AIRIM: variants seen among roughly 807,000 people sequenced by gnomAD.
AIRIM encodes AFG2-interacting ribosome maturation factor.
chr1:37,686,504 A>C, the AIRIM span: 1 of 1,557,010 alleles, frequency 6.4e-7, no homozygotes, highest in South Asian at 1.2e-5. Flanking sequence ...GTATAAAGGA[A>C]GGTTTCTCAA....
chr1:37,691,123 A>C, the AIRIM span: 1 of 152,402 alleles, frequency 6.6e-6, no homozygotes, highest in Non-Finnish European at 1.5e-5. Flanking sequence ...CCCACTGCCC[A>C]GGGCTGACCT....
the AIRIM span, chr1:37,689,963 G>A: frequency 2.0e-6 from 3 of 1,466,158 alleles, no homozygotes; most frequent in Admixed American, 5.2e-5. Context: ...GAGGGTGGGC[G>A]TCATCTCTGT....
the AIRIM span, chr1:37,689,634 T>C: frequency 3.1e-6 from 5 of 1,611,786 alleles, no homozygotes; most frequent in South Asian, 1.1e-5. Context: ...TCCAGGACGA[T>C]GTCACCAGCC....
At chr1:37,689,460 G>T in the AIRIM span, 1 of 952,706 alleles carries the variant, frequency 1.0e-6, no homozygotes, top group Non-Finnish European at 1.5e-6. Context: ...AGGTCCCACT[G>T]CCCCAGATGA....
the AIRIM span, chr1:37,690,256 A>AT: frequency 7.7e-7 from 1 of 1,292,410 alleles, no homozygotes; most frequent in Admixed American, 2.3e-5. Flanking sequence ...AAGTGCTGGG[A>AT]TTACAGGCGT....
chr1:37,689,876 G>A, the AIRIM span: 4 of 1,550,340 alleles, frequency 2.6e-6, no homozygotes, highest in Non-Finnish European at 3.5e-6. Context: ...CCGGTCTTGA[G>A]TCATCTTCTG....
At chr1:37,686,238 C>A in the AIRIM span, 1 of 1,576,632 alleles carries the variant, frequency 6.3e-7, no homozygotes, top group Non-Finnish European at 8.6e-7. Flanking sequence ...CTTAGAACAG[C>A]TCTGGCTGTG....
the AIRIM span, chr1:37,682,351 C>T: frequency 1.1e-4 from 17 of 152,570 alleles, no homozygotes; most frequent in African/African-American, 3.9e-4. Context: ...AATGTAACCC[C>T]GATGGACTGA....
chr1:37,690,513 A>G, the AIRIM span: 15 of 1,184,612 alleles, frequency 1.3e-5, no homozygotes, highest in Non-Finnish European at 1.6e-5. Flanking sequence ...CCACGCGCCC[A>G]CAGTCTCTCT....
chr1:37,687,126 TG>T, the AIRIM span, among the ~76,000 whole-genome samples: 1 of 151,536 alleles, frequency 6.6e-6, no homozygotes, highest in South Asian at 2.1e-4. Context: ...TTTTTGTTTT[TG>T]TTTTTTGTTT....
At chr1:37,690,426 G>A in the AIRIM span, 1 of 1,265,302 alleles carries the variant, frequency 7.9e-7, no homozygotes, top group African/African-American at 1.6e-5. Flanking sequence ...GCCCGAGGCT[G>A]CCGGTCGCCT....
At chr1:37,689,640 C>T in the AIRIM span, 2 of 1,612,318 alleles carry the variant, frequency 1.2e-6, no homozygotes, top group Non-Finnish European at 1.7e-6. Flanking sequence ...ACGATGTCAC[C>T]AGCCACCAGC....
chr1:37,686,167 C>G, the AIRIM span: 5 of 1,117,186 alleles, frequency 4.5e-6, no homozygotes, highest in African/African-American at 6.4e-5. Context: ...GTTCAGGAAC[C>G]AAAGAGAACT....
the AIRIM span, among the ~76,000 whole-genome samples, chr1:37,687,461 TA>T: frequency 1.9e-4 from 28 of 146,700 alleles, no homozygotes; most frequent in Middle Eastern, 3.4e-3. Context: ...TTAAAACATT[TA>T]AAAAAAAAAA....
chr1:37,687,589 A>C, the AIRIM span, among the ~76,000 whole-genome samples: 40 of 152,162 alleles, frequency 2.6e-4, no homozygotes, highest in African/African-American at 8.9e-4. Context: ...CTCCACAAAA[A>C]ATTTTAAAAA....
the AIRIM span, among the ~76,000 whole-genome samples, chr1:37,685,147 A>T: frequency 7.5e-6 from 1 of 133,442 alleles, no homozygotes; most frequent in African/African-American, 2.9e-5. Context: ...GTTACTCCTT[A>T]ATCAAGTTTC....
the AIRIM span, among the ~76,000 whole-genome samples, chr1:37,688,462 C>G: frequency 6.6e-6 from 1 of 152,182 alleles, no homozygotes; most frequent in Non-Finnish European, 1.5e-5. Context: ...CCACTCCACA[C>G]AAGCCGTACT....
chr1:37,683,696 G>C, the AIRIM span: 1 of 360,838 alleles, frequency 2.8e-6, no homozygotes, highest in East Asian at 5.3e-5. Flanking sequence ...ATCAGATCCT[G>C]AAAAGAAAGA....
chr1:37,689,327 T>C, the AIRIM span, among the ~76,000 whole-genome samples: 18 of 152,340 alleles, frequency 1.2e-4, no homozygotes, highest in East Asian at 3.5e-3. Flanking sequence ...AAGAAAACTA[T>C]AGGGCAGAGC....
Sources: allele counts gnomAD v4.1 joint callset (sites outside exome capture counted in the v4.1 genomes callset), GRCh38; gene constraint gnomAD v4.1.1; transcripts MANE v1.5; gene names NCBI Gene and HGNC (gene_info 2026-07-23, HGNC 2026-07-21).